NCAM2: variants seen among roughly 807,000 people sequenced by gnomAD.
The protein encoded by NCAM2 is neural cell adhesion molecule 2, also known as N-CAM-2.
In NCAM2, 30 loss-of-function variants were observed where a neutral mutation model predicts 98.1. That is an observed-to-expected ratio of 0.31 (90% CI 0.23 to 0.41). The LOEUF is 0.41. Ranked by LOEUF, NCAM2 falls within the 10% of genes least tolerant of loss-of-function variation. The pLI is 1.00. For synonymous variants in NCAM2, 368 were observed against 342.4 expected, an observed-to-expected ratio of 1.07 and a Z score of -0.83; for missense variants, 867 against 1,005.8, an observed-to-expected ratio of 0.86 and a Z score of 1.87.
At chr21:21,208,336 A>AAATTT (rs2069519507) in intron 1 of NCAM2, among the ~76,000 whole-genome samples, 2 of 152,204 alleles carry the variant, frequency 1.3e-5, no homozygotes, top group African/African-American at 4.8e-5. Flanking sequence ...CAAACCATTT[A>AAATTT]AATGTCTTTA....
intron 1 of NCAM2, among the ~76,000 whole-genome samples, chr21:21,009,617 A>G (rs1196020899): frequency 6.6e-6 from 1 of 151,976 alleles, no homozygotes; most frequent in African/African-American, 2.4e-5. Context: ...AATTAACTAG[A>G]TTAGATATGG....
intron 1 of NCAM2, among the ~76,000 whole-genome samples, chr21:21,161,237 T>G (rs1386318662): frequency 1.3e-5 from 2 of 151,880 alleles, no homozygotes; most frequent in Non-Finnish European, 2.9e-5. Flanking sequence ...GGGAAACCAA[T>G]GATTATAGAG....
intron 1 of NCAM2, among the ~76,000 whole-genome samples, chr21:21,081,981 T>C (rs1480046427): frequency 1.3e-5 from 2 of 151,862 alleles, no homozygotes; most frequent in South Asian, 2.1e-4. Flanking sequence ...CTCACGGCTG[T>C]AATCCCAGCA....
At chr21:21,485,572 A>G (rs1986279306) in intron 15 of NCAM2, among the ~76,000 whole-genome samples, 1 of 152,238 alleles carries the variant, frequency 6.6e-6, no homozygotes. Flanking sequence ...AATTTTCATT[A>G]TGTGAATATG....
chr21:21,437,675 C>G (rs1322633874), intron 12 of NCAM2, among the ~76,000 whole-genome samples: 1 of 152,066 alleles, frequency 6.6e-6, no homozygotes, highest in Non-Finnish European at 1.5e-5. Context: ...TACCAGAAAA[C>G]TGCCACAATT....
chr21:21,077,788 A>G (rs555001777), intron 1 of NCAM2, among the ~76,000 whole-genome samples: 2 of 152,100 alleles, frequency 1.3e-5, no homozygotes, highest in African/African-American at 4.8e-5. Flanking sequence ...TTATAGGTAA[A>G]CATTTTATAT....
chr21:21,307,068 G>T (rs78276330), intron 5 of NCAM2, among the ~76,000 whole-genome samples: 3 of 152,136 alleles, frequency 2.0e-5, no homozygotes, highest in East Asian at 2.0e-4. Flanking sequence ...TACAGTTGTG[G>T]TTTTTTAATC....
intron 12 of NCAM2, among the ~76,000 whole-genome samples, chr21:21,453,212 G>A (rs1360630921): frequency 6.7e-6 from 1 of 148,806 alleles, no homozygotes; most frequent in Non-Finnish European, 1.5e-5. Context: ...GAAAAATGAA[G>A]CAGAGCAAGA....
chr21:21,076,829 T>A (rs1177009679), intron 1 of NCAM2, among the ~76,000 whole-genome samples: 5 of 152,224 alleles, frequency 3.3e-5, no homozygotes, highest in Non-Finnish European at 7.3e-5. Flanking sequence ...AAGCCATTTA[T>A]GTACATAGCT....
At chr21:21,215,865 A>AG in intron 1 of NCAM2, among the ~76,000 whole-genome samples, 1 of 152,348 alleles carries the variant, frequency 6.6e-6, no homozygotes, top group African/African-American at 2.4e-5. Flanking sequence ...AATATTGTTT[A>AG]GCTCCTTTTC....
intron 1 of NCAM2, among the ~76,000 whole-genome samples, chr21:21,011,339 A>T (rs1300161580): frequency 6.6e-6 from 1 of 152,054 alleles, no homozygotes; most frequent in Non-Finnish European, 1.5e-5. Flanking sequence ...CATTTCACTG[A>T]TGGAAACATA....
At chr21:21,168,758 A>G (rs2068032106) in intron 1 of NCAM2, among the ~76,000 whole-genome samples, 1 of 152,224 alleles carries the variant, frequency 6.6e-6, no homozygotes, top group Non-Finnish European at 1.5e-5. Flanking sequence ...CCATATGAAG[A>G]CAACTACAAA....
chr21:21,235,842 A>G (rs1445109568), intron 1 of NCAM2, among the ~76,000 whole-genome samples: 3 of 152,120 alleles, frequency 2.0e-5, no homozygotes, highest in African/African-American at 2.4e-5. Context: ...ACTGAAATCA[A>G]TCAAGGCCCC....
intron 7 of NCAM2, among the ~76,000 whole-genome samples, chr21:21,335,986 T>C (rs1358069236): frequency 6.6e-6 from 1 of 152,120 alleles, no homozygotes; most frequent in Non-Finnish European, 1.5e-5. Flanking sequence ...TAGGATCAGT[T>C]TTACTTACAA....
chr21:21,355,567 AG>A (rs1229204117), intron 8 of NCAM2, among the ~76,000 whole-genome samples: 2 of 150,880 alleles, frequency 1.3e-5, no homozygotes. Context: ...GAAAGAAGGA[AG>A]GAAGGAAGGA....
intron 2 of NCAM2, among the ~76,000 whole-genome samples, chr21:21,283,075 A>T (rs1456455493): frequency 6.6e-6 from 1 of 151,910 alleles, no homozygotes; most frequent in Non-Finnish European, 1.5e-5. Context: ...TCCTCTTCAA[A>T]TGCATTACTC....
chr21:21,409,548 G>A (rs2076814400), intron 9 of NCAM2, among the ~76,000 whole-genome samples: 1 of 152,032 alleles, frequency 6.6e-6, no homozygotes, highest in Non-Finnish European at 1.5e-5. Context: ...TGACTTAAAC[G>A]AAATAAAAAG....
intron 1 of NCAM2, among the ~76,000 whole-genome samples, chr21:21,116,859 GA>G (rs927536539): frequency 2.7e-3 from 293 of 110,500 alleles, no homozygotes; most frequent in African/African-American, 7.8e-3. Context: ...CGTCTCAAAA[GA>G]AAAAAAAAAA....
chr21:21,340,539 T>C (rs1039701810), intron 8 of NCAM2, among the ~76,000 whole-genome samples: 27 of 152,038 alleles, frequency 1.8e-4, no homozygotes, highest in African/African-American at 5.8e-4. Context: ...AAATCTGACT[T>C]GGTTTCTTTG....
Sources: gnomAD v4.1 joint callset for allele counts (sites outside exome capture counted in the v4.1 genomes callset) on GRCh38, gnomAD v4.1.1 for gene constraint, MANE v1.5 for transcripts, NCBI Gene and HGNC (gene_info 2026-07-23, HGNC 2026-07-21) for gene names.